EDN3: variants seen among roughly 807,000 people sequenced by gnomAD.
The protein encoded by EDN3 is endothelin 3.
Under a neutral mutation model 21.4 loss-of-function variants are expected in EDN3, and 9 were observed. The observed-to-expected ratio is 0.42, with a 90% CI of 0.25 to 0.73. EDN3 has a LOEUF of 0.73. Among genes scored for constraint, EDN3 ranks in the 30% least tolerant of loss-of-function variants. The pLI is 0.26. For synonymous variants in EDN3, 133 were observed against 126.2 expected, an observed-to-expected ratio of 1.05 and a Z score of -0.36; for missense variants, 327 against 309.4, an observed-to-expected ratio of 1.06 and a Z score of -0.43.
chr20:59,304,299 G>A (rs1989245387), intron 2 of EDN3, among the ~76,000 whole-genome samples: 1 of 152,170 alleles, frequency 6.6e-6, no homozygotes, highest in Non-Finnish European at 1.5e-5. Context: ...TGGAAGTGAG[G>A]GACACAGTCT....
intron 2 of EDN3, among the ~76,000 whole-genome samples, chr20:59,302,052 G>C (rs1989086312): frequency 6.6e-6 from 1 of 152,160 alleles, no homozygotes; most frequent in Non-Finnish European, 1.5e-5. Context: ...TTCTGAGATA[G>C]AGAAAGCCCC....
At chr20:59,307,987 A>G (rs1989544929) in intron 2 of EDN3, among the ~76,000 whole-genome samples, 1 of 152,158 alleles carries the variant, frequency 6.6e-6, no homozygotes, top group Admixed American at 6.5e-5. Flanking sequence ...ATTTTTATTA[A>G]CATATGTTAA....
At chr20:59,320,869 C>T (rs1990490135) in intron 2 of EDN3, 148 bp from the exon 3 acceptor site, 4 of 820,146 alleles carry the variant, frequency 4.9e-6, no homozygotes, top group Non-Finnish European at 8.0e-6. Flanking sequence ...CAGAACCTTC[C>T]TAAGACCCAG....
rs1471957018 is a variant in EDN3, at chr20:59,301,429, G to A, written c.72G>A (p.Gln24=). 6.2e-7 allele frequency: 1 copy of A among 1,612,256 alleles called. No homozygotes were observed. The highest frequency in any genetic ancestry group is 1.1e-5 in the South Asian group (1 of 91,066). The stretch of plus-strand genomic sequence containing the variant: ...CTGCAGGATTCGTGCCTTGCTCCCA[G>A]TCTGGGGATGCTGGCAGGCGCGGCG... ...TSAAGFVPCS[Q]SGDAGRRGVS... The change falls in exon 2 of 5, where the codon CAG becomes CAA. Residue 24 remains glutamine, a synonymous_variant. Coordinates refer to ENST00000337938, the MANE Select transcript of EDN3 (RefSeq NM_207034.3).
chr20:59,313,963 C>T (rs1315152505), intron 2 of EDN3, among the ~76,000 whole-genome samples: 4 of 152,248 alleles, frequency 2.6e-5, no homozygotes, highest in East Asian at 1.9e-4. Context: ...ATTTGATGAG[C>T]GGGCAAGGAA....
intron 2 of EDN3, among the ~76,000 whole-genome samples, chr20:59,304,591 T>A (rs1342603582): frequency 2.6e-5 from 4 of 152,210 alleles, no homozygotes; most frequent in African/African-American, 9.6e-5. Flanking sequence ...ACACTCCTAG[T>A]TGATCTTTGA....
intron 4 of EDN3, 72 bp from the exon 5 acceptor site, chr20:59,324,259 A>G: frequency 6.3e-7 from 1 of 1,599,332 alleles, no homozygotes; most frequent in African/African-American, 1.3e-5. Context: ...TTTCAGCTTC[A>G]CAGAACTACA....
At chr20:59,318,553 AC>A (rs1423013345) in intron 2 of EDN3, among the ~76,000 whole-genome samples, 9 of 151,094 alleles carry the variant, frequency 6.0e-5, no homozygotes, top group Admixed American at 3.3e-4. Context: ...AGCTTCCCTC[AC>A]CTCCGCACGG....
At chr20:59,315,417 G>A (rs183994909) in intron 2 of EDN3, among the ~76,000 whole-genome samples, 295 of 152,346 alleles carry the variant, frequency 1.9e-3, no homozygotes, top group African/African-American at 6.6e-3. Context: ...TGCTTTCCCA[G>A]TTCAGAAGGA....
intron 3 of EDN3, 52 bp downstream of exon 3, chr20:59,321,245 G>T: frequency 6.3e-7 from 1 of 1,591,768 alleles, no homozygotes; most frequent in South Asian, 1.1e-5. Context: ...TCAACCCTCG[G>T]CAAGGCCAGG....
intron 2 of EDN3, among the ~76,000 whole-genome samples, chr20:59,319,198 T>C (rs538477519): frequency 6.6e-6 from 1 of 152,080 alleles, no homozygotes; most frequent in South Asian, 2.1e-4. Flanking sequence ...TCTGAGGAAC[T>C]TGGGTGGGAG....
At chr20:59,307,146 A>G (rs1434884129) in intron 2 of EDN3, among the ~76,000 whole-genome samples, 4 of 152,106 alleles carry the variant, frequency 2.6e-5, no homozygotes, top group Non-Finnish European at 4.4e-5. Context: ...TTCCATCTCA[A>G]AAAAACAAAA....
chr20:59,303,904 AT>A (rs1480614985), intron 2 of EDN3, among the ~76,000 whole-genome samples: 3 of 152,196 alleles, frequency 2.0e-5, no homozygotes, highest in Non-Finnish European at 4.4e-5. Flanking sequence ...GTGTTTGGGC[AT>A]CCCCTGAGCT....
intron 2 of EDN3, among the ~76,000 whole-genome samples, chr20:59,311,400 T>C (rs908707987): frequency 6.6e-6 from 1 of 152,084 alleles, no homozygotes; most frequent in Non-Finnish European, 1.5e-5. Flanking sequence ...GGCTGCTTGA[T>C]TGAGTATACT....
intron 2 of EDN3, among the ~76,000 whole-genome samples, chr20:59,309,892 C>G (rs1017081409): frequency 6.6e-6 from 1 of 152,152 alleles, no homozygotes; most frequent in Non-Finnish European, 1.5e-5. Context: ...TGCAACTAAT[C>G]TCCACTTGGG....
intron 2 of EDN3, 45 bp downstream of exon 2, chr20:59,301,767 C>T: frequency 1.3e-6 from 2 of 1,596,640 alleles, no homozygotes; most frequent in Non-Finnish European, 8.6e-7. Context: ...CCGGACCAGG[C>T]CCACATCTGC....
chr20:59,316,967 T>C (rs1227850541), intron 2 of EDN3, among the ~76,000 whole-genome samples: 5 of 152,228 alleles, frequency 3.3e-5, no homozygotes, highest in African/African-American at 1.2e-4. Flanking sequence ...AACTGAGACA[T>C]GAACAGATGG....
At chr20:59,320,677 G>A (rs1156636878) in intron 2 of EDN3, among the ~76,000 whole-genome samples, 3 of 152,256 alleles carry the variant, frequency 2.0e-5, no homozygotes, top group African/African-American at 4.8e-5. Flanking sequence ...GGCCACACCT[G>A]CAGCTGGTGC....
Position 59,324,421 on chromosome 20 carries a change from A to G in EDN3, c.679A>G (p.Thr227Ala). ...PGSGLALAPS[T>A]CPRCLFQEGA... ...CAGTGGACTCGCCCTCGCTCCATCT[A>G]CCTGCCCCCGCTGCCTCTTTCAGGA... Residue 227 changes from threonine (T) to alanine (A), a missense_variant, in exon 5 of 5, where the codon ACC (threonine) becomes GCC (alanine). By Grantham distance (58) the Thr-to-Ala change is moderately conservative. Coordinates refer to ENST00000337938, the MANE Select transcript of EDN3 (RefSeq NM_207034.3). The G allele has an allele frequency of 6.2e-7, 1 of 1,613,852 alleles. No individual in the cohort carries two copies. Among genetic ancestry groups the G allele is most frequent in the Non-Finnish European group, 8.5e-7 (1 of 1,179,962 alleles).
Sources: gnomAD v4.1 joint callset for allele counts (sites outside exome capture counted in the v4.1 genomes callset) on GRCh38, gnomAD v4.1.1 for gene constraint, MANE v1.5 for transcripts, NCBI Gene and HGNC (gene_info 2026-07-23, HGNC 2026-07-21) for gene names.